The following MAP4 variants were observed in gnomAD, a reference collection of about 807,000 sequenced individuals.
The protein encoded by MAP4 is microtubule-associated protein 4.
MAP4 carries 76 observed loss-of-function variants against 170.2 expected under a neutral mutation model. The observed-to-expected ratio is 0.45, with a 90% CI of 0.37 to 0.54. MAP4 has a LOEUF of 0.54. Ranked by LOEUF, MAP4 falls within the 20% of genes least tolerant of loss-of-function variation. The pLI is 0.00. For missense variants in MAP4, 2,506 were observed against 2,748.0 expected, an observed-to-expected ratio of 0.91 and a Z score of 1.97; for synonymous variants, 909 against 994.5, an observed-to-expected ratio of 0.91 and a Z score of 1.62.
chr3:47,918,876 C>T lies in MAP4; in HGVS notation c.530-35G>A. The stretch of plus-strand genomic sequence containing the variant: ...AAACACAAACAAATACATTTTGAAA[C>T]TTAGTAAACATTGGAAACAAAAGGT... On this transcript the variant is annotated intron_variant, in intron 5 of 20. Coordinates refer to ENST00000683076, the MANE Select transcript of MAP4 (RefSeq NM_001385682.1). 5.7e-6 allele frequency: 9 copies of T among 1,571,316 alleles called. No homozygotes were observed. The South Asian group carries it at 9.1e-5, about 16-fold the overall frequency.
rs549559747 is a variant in MAP4 at position 47,855,910 on chromosome 3, C to A, written c.6584-550G>T. Reference sequence around the variant, plus strand: ...AAATTGTCTGAGACCCTAAACCGTACCACACTCTAGCAAAAAGAAGGAATA... The same window carrying A: ...AAATTGTCTGAGACCCTAAACCGTAACACACTCTAGCAAAAAGAAGGAATA... On this transcript the variant is annotated intron_variant, in intron 18 of 20. Transcript: ENST00000683076. This position sits in a 1 kb window ranked among gnomAD's most constrained non-coding sequence, Gnocchi z 5.1. Among the ~76,000 whole-genome samples the A allele has an allele frequency of 6.6e-6, 1 of 152,238 alleles. No individual in the cohort carries two copies. Among genetic ancestry groups the A allele is most frequent in the African/African-American group, 2.4e-5 (1 of 41,532 alleles).
In MAP4 at chr3:47,977,944, G is replaced by C; in HGVS notation, c.224-11C>G. 2 of 1,586,710 alleles carry C rather than the reference G, an allele frequency of 1.3e-6. No homozygotes were observed. Among genetic ancestry groups the C allele is most frequent in the African/African-American group, 1.3e-5 (1 of 74,514 alleles). Reference sequence around the variant, plus strand: ...TAGAAGATGGAGTATCTGCAACAATGACAAATAATTACCCATTGTGACAGA... The same window carrying C: ...TAGAAGATGGAGTATCTGCAACAATCACAAATAATTACCCATTGTGACAGA... On this transcript the variant is annotated splice_polypyrimidine_tract_variant and intron_variant, in intron 2 of 20. Coordinates refer to ENST00000683076, the MANE Select transcript of MAP4 (RefSeq NM_001385682.1).
intron 3 of MAP4, among the ~76,000 whole-genome samples, chr3:47,938,280 A>G (rs1194507070): frequency 6.6e-6 from 1 of 152,104 alleles, no homozygotes; most frequent in African/African-American, 2.4e-5. Context: ...AGACAGGAGA[A>G]TTGTTTGAAC....
At chr3:47,938,678 C>G (rs2100054500) in intron 3 of MAP4, among the ~76,000 whole-genome samples, 1 of 152,214 alleles carries the variant, frequency 6.6e-6, no homozygotes, top group Non-Finnish European at 1.5e-5. Context: ...GCCTCTATAC[C>G]AGGCCCATAT....
intron 3 of MAP4, chr3:47,974,616 G>A (rs2100080874): frequency 1.0e-6 from 1 of 956,364 alleles, no homozygotes; most frequent in East Asian, 1.2e-4. Flanking sequence ...CATGTTTTAT[G>A]TTATATTTCT....
chr3:48,047,577 G>A (rs775900615), intron 1 of MAP4, among the ~76,000 whole-genome samples: 1 of 152,066 alleles, frequency 6.6e-6, no homozygotes, highest in African/African-American at 2.4e-5. Context: ...GTCAAAAGAC[G>A]GCTACTATTT....
At chr3:48,021,943 C>G (rs1452385192) in intron 1 of MAP4, among the ~76,000 whole-genome samples, 1 of 151,972 alleles carries the variant, frequency 6.6e-6, no homozygotes, top group African/African-American at 2.4e-5. Context: ...TGCACAATCA[C>G]CAAGAAAGAG....
At chr3:47,863,921 G>GGGGTGTGTGTGT (rs1553728648) in intron 17 of MAP4, among the ~76,000 whole-genome samples, 44 of 110,882 alleles carry the variant, frequency 4.0e-4, no homozygotes, top group Middle Eastern at 4.6e-3. Flanking sequence ...TGTGGGTGTG[G>GGGGTGTGTGTGT]GTGTGTGTGT....
chr3:47,853,047 AT>A, intron 20 of MAP4, 109 bp from the exon 21 acceptor site: 2 of 1,614,224 alleles, frequency 1.2e-6, no homozygotes, highest in Non-Finnish European at 1.7e-6. Context: ...TGCCTGGAAA[AT>A]AAAAGGTTAC....
intron 10 of MAP4, chr3:47,892,862 A>G: frequency 1.9e-6 from 2 of 1,046,260 alleles, no homozygotes; most frequent in Non-Finnish European, 2.3e-6. Flanking sequence ...GCTTTCACTG[A>G]TATAGATACG....
intron 1 of MAP4, among the ~76,000 whole-genome samples, chr3:48,050,955 T>C (rs2100127464): frequency 6.6e-6 from 1 of 151,568 alleles, no homozygotes; most frequent in Non-Finnish European, 1.5e-5. Context: ...AGATTTTTCT[T>C]TAATCCCTCA....
Position 47,852,757 on chromosome 3 carries a change from G to T in MAP4, c.*177C>A. The T allele has an allele frequency of 6.5e-7, 1 of 1,541,090 alleles. No homozygotes were observed. The highest frequency in any genetic ancestry group is 1.2e-5 in the South Asian group (1 of 83,526). ...AAGCAGGAGGGAAGGCGAGCCTAGCGGGCTGCCCAGCACGGCGCCCAAGCG... is the reference window on the plus strand; with the variant it reads ...AAGCAGGAGGGAAGGCGAGCCTAGCTGGCTGCCCAGCACGGCGCCCAAGCG... On this transcript the variant is annotated 3_prime_UTR_variant, in exon 21 of 21. Transcript: ENST00000683076.
At chr3:48,060,914 G>T (rs1286367068) in intron 1 of MAP4, among the ~76,000 whole-genome samples, 1 of 151,700 alleles carries the variant, frequency 6.6e-6, no homozygotes, top group African/African-American at 2.4e-5. Context: ...GTGCGATCTC[G>T]GCTCACTGCA....
intron 1 of MAP4, among the ~76,000 whole-genome samples, chr3:48,087,745 GCACACACACACACACA>G (rs1171639123): frequency 2.8e-5 from 3 of 105,614 alleles, no homozygotes; most frequent in Non-Finnish European, 4.1e-5. Flanking sequence ...ACACGCACGC[GCACACACACACACACA>G]CACACACACA....
chr3:47,866,164 C>T (rs2151562927), intron 17 of MAP4, among the ~76,000 whole-genome samples: 1 of 151,908 alleles, frequency 6.6e-6, no homozygotes, highest in Middle Eastern at 3.4e-3. Context: ...TGATGAAACC[C>T]CGTCTCTACT....
chr3:47,965,261 A>T (rs1174009067), intron 3 of MAP4, among the ~76,000 whole-genome samples: 2 of 152,188 alleles, frequency 1.3e-5, no homozygotes, highest in Non-Finnish European at 2.9e-5. Context: ...ACGTTCCATT[A>T]TATGAATGTA....
chr3:47,908,329 A>G (rs1015004379), intron 9 of MAP4, among the ~76,000 whole-genome samples: 1 of 152,218 alleles, frequency 6.6e-6, no homozygotes. Flanking sequence ...TGAGGAACAC[A>G]ACATGGGCAA....
intron 2 of MAP4, among the ~76,000 whole-genome samples, chr3:47,992,245 A>G (rs907728853): frequency 3.3e-5 from 5 of 152,126 alleles, no homozygotes; most frequent in African/African-American, 1.2e-4. Context: ...TCCATTCATA[A>G]AGAACTCACT....
intron 1 of MAP4, among the ~76,000 whole-genome samples, chr3:48,053,369 C>T (rs2100128906): frequency 6.6e-6 from 1 of 151,946 alleles, no homozygotes; most frequent in South Asian, 2.1e-4. Context: ...TTCATTGAAA[C>T]AACACTGCTA....
Sources: allele counts gnomAD v4.1 joint callset (sites outside exome capture counted in the v4.1 genomes callset), GRCh38; gene constraint gnomAD v4.1.1; non-coding constraint Gnocchi (gnomAD v3.1); transcripts MANE v1.5; gene names NCBI Gene and HGNC (gene_info 2026-07-23, HGNC 2026-07-21).